PRDM16: variants seen among roughly 807,000 people sequenced by gnomAD.
The protein encoded by PRDM16 is PR/SET domain 16, also known as histone-lysine N-methyltransferase PRDM16.
In PRDM16, 23 loss-of-function variants were observed where a neutral mutation model predicts 110.6. The observed-to-expected ratio is 0.21, with a 90% confidence interval of 0.15 to 0.29. The LOEUF (loss-of-function observed/expected upper bound fraction) is 0.29. PRDM16 is among the 10% of genes least tolerant of loss of function. The probability of loss-of-function intolerance (pLI) is 1.00; values close to 1 mark genes in which losing one functional copy is unlikely to be tolerated. For missense variants in PRDM16, 1,615 were observed against 1,794.3 expected, an observed-to-expected ratio of 0.90 and a Z score of 1.81; for synonymous variants, 799 against 781.8, an observed-to-expected ratio of 1.02 and a Z score of -0.37.
intron 3 of PRDM16, among the ~76,000 whole-genome samples, chr1:3,269,730 T>G: frequency 6.9e-6 from 1 of 144,744 alleles, no homozygotes. Flanking sequence ...AGGAGGACAG[T>G]TGGGAGGACA....
At chr1:3,300,979 T>C (rs1641194957) in intron 3 of PRDM16, among the ~76,000 whole-genome samples, 2 of 152,150 alleles carry the variant, frequency 1.3e-5, no homozygotes, top group Non-Finnish European at 2.9e-5. Context: ...CCAAGGGAGC[T>C]TGTCAAGTGC....
intron 1 of PRDM16, among the ~76,000 whole-genome samples, chr1:3,113,542 C>T (rs1642844984): frequency 6.6e-6 from 1 of 152,188 alleles, no homozygotes; most frequent in South Asian, 2.1e-4. Flanking sequence ...AGGCCGAGGC[C>T]TGAGCCAGCG....
At position 3,404,784 on chromosome 1, in the gene PRDM16, A is replaced by G. The variant is rs753947012; in HGVS notation, c.930A>G (p.Lys310=). The G allele has an allele frequency of 8.7e-6, 14 of 1,613,474 alleles. No individual in the cohort carries two copies. The highest frequency in any genetic ancestry group is 1.2e-5 in the Non-Finnish European group (14 of 1,179,958). ...MVIHTEEREY[K]CDQCPKAFNW... ...TCCACACGGAGGAGCGCGAGTACAAATGCGACCAGTGTCCCAAGGCCTTCA... is the reference window on the plus strand; with the variant it reads ...TCCACACGGAGGAGCGCGAGTACAAGTGCGACCAGTGTCCCAAGGCCTTCA... The change falls in exon 7 of 17, where the codon AAA becomes AAG. Residue 310 remains lysine, a synonymous_variant. Coordinates refer to ENST00000270722, the MANE Select transcript of PRDM16 (RefSeq NM_022114.4).
At chr1:3,329,103 C>T (rs960343967) in intron 3 of PRDM16, among the ~76,000 whole-genome samples, 1 of 152,224 alleles carries the variant, frequency 6.6e-6, no homozygotes, top group Non-Finnish European at 1.5e-5. Flanking sequence ...CACTCACCAC[C>T]TCTGCCCCCA....
chr1:3,258,016 G>A (rs1311748429), intron 3 of PRDM16, among the ~76,000 whole-genome samples: 4 of 152,162 alleles, frequency 2.6e-5, no homozygotes, highest in African/African-American at 9.7e-5. Context: ...TCCTCCTGGA[G>A]TCTGAATTCT....
intron 2 of PRDM16, among the ~76,000 whole-genome samples, chr1:3,230,778 C>T (rs1340010122): frequency 6.6e-6 from 1 of 152,246 alleles, no homozygotes; most frequent in African/African-American, 2.4e-5. Context: ...ACCTTCCTTC[C>T]CCACACCTGC....
At chr1:3,153,646 C>T (rs547504781) in intron 1 of PRDM16, among the ~76,000 whole-genome samples, 10 of 152,304 alleles carry the variant, frequency 6.6e-5, no homozygotes, top group South Asian at 4.2e-4. Flanking sequence ...TTCACCCTTC[C>T]GGAAAAGGCA....
At chr1:3,276,073 A>T (rs533801895) in intron 3 of PRDM16, among the ~76,000 whole-genome samples, 1 of 152,220 alleles carries the variant, frequency 6.6e-6, no homozygotes, top group Non-Finnish European at 1.5e-5. Context: ...CGTGTTGACA[A>T]TTACCCACAG....
chr1:3,097,034 G>A lies in PRDM16; in HGVS notation c.37+27738G>A, dbSNP rs1344925332. Among the ~76,000 whole-genome samples the A allele has an allele frequency of 1.4e-4, 21 of 152,250 alleles. 1 individual carries two copies. Among genetic ancestry groups the A allele is most frequent in the South Asian group, 4.2e-4 (2 of 4,816 alleles). ...CACCTGCTGCAGCCATGGGTGCATC[G>A]GGTGCGTGTGCTCCTGGGGGACCCT... On this transcript the variant is annotated intron_variant, in intron 1 of 16. Coordinates refer to ENST00000270722, the MANE Select transcript of PRDM16 (RefSeq NM_022114.4).
chr1:3,323,686 C>T (rs562398349), intron 3 of PRDM16, among the ~76,000 whole-genome samples: 24 of 152,352 alleles, frequency 1.6e-4, no homozygotes, highest in African/African-American at 3.1e-4. Context: ...TGGGAGCGGC[C>T]GCACTTCCCC....
intron 2 of PRDM16, among the ~76,000 whole-genome samples, chr1:3,228,768 G>C (rs561663563): frequency 3.3e-4 from 50 of 152,286 alleles, no homozygotes; most frequent in African/African-American, 1.2e-3. Context: ...CCGTCCACCT[G>C]CACTGTCCAC....
At chr1:3,116,015 C>T (rs1481605982) in intron 1 of PRDM16, among the ~76,000 whole-genome samples, 3 of 151,742 alleles carry the variant, frequency 2.0e-5, no homozygotes, top group Admixed American at 1.3e-4. Flanking sequence ...CTGCAGCTCC[C>T]CAGGGGGCGG....
intron 3 of PRDM16, among the ~76,000 whole-genome samples, chr1:3,289,290 C>T (rs933086235): frequency 6.6e-6 from 1 of 152,192 alleles, no homozygotes; most frequent in African/African-American, 2.4e-5. Context: ...TTCCTGGGTG[C>T]GCTGGCAGGG....
chr1:3,241,163 G>T (rs578186195), intron 2 of PRDM16, among the ~76,000 whole-genome samples: 2 of 152,384 alleles, frequency 1.3e-5, no homozygotes, highest in East Asian at 3.9e-4. Context: ...AACTGCCCAG[G>T]CGGGCGGTGA....
intron 1 of PRDM16, among the ~76,000 whole-genome samples, chr1:3,129,441 G>A (rs1314013710): frequency 3.3e-5 from 5 of 151,970 alleles, no homozygotes; most frequent in Non-Finnish European, 7.4e-5. Context: ...ATCCTTCCTG[G>A]TGTGCATGTG....
chr1:3,248,189 CTTG>C (rs1639839521), intron 3 of PRDM16, among the ~76,000 whole-genome samples: 1 of 152,172 alleles, frequency 6.6e-6, no homozygotes, highest in Admixed American at 6.5e-5. Flanking sequence ...TTCTGGAGGG[CTTG>C]AATTTATCCG....
Position 3,359,761 on chromosome 1 carries a change from G to A in PRDM16, c.439-25391G>A, listed in dbSNP as rs1421630612. On this transcript the variant is annotated intron_variant, in intron 3 of 16. Coordinates refer to ENST00000270722, the MANE Select transcript of PRDM16 (RefSeq NM_022114.4). The surrounding 1 kb of genome is among the most constrained non-coding windows in gnomAD (Gnocchi z 4.3). ...GGGAACGCACTGGGTTGATCCCTCA[G>A]CGGCAGCCAGAAGGCAAGGCGGGAA... Among the ~76,000 whole-genome samples, 1 of 152,184 alleles carries A rather than the reference G, an allele frequency of 6.6e-6. No individual in the cohort carries two copies. Among genetic ancestry groups the A allele is most frequent in the Admixed American group, 6.5e-5 (1 of 15,294 alleles).
chr1:3,424,004 C>T (rs543954842), intron 12 of PRDM16, among the ~76,000 whole-genome samples: 7 of 152,372 alleles, frequency 4.6e-5, no homozygotes, highest in South Asian at 4.1e-4. Context: ...ATGGCACACA[C>T]GCACATGCCA....
Position 3,267,585 on chromosome 1 carries a change from A to G in PRDM16, c.438+23448A>G, listed in dbSNP as rs182289293. ...GGGGAACCTCCAGACTGTTTACCAC[A>G]GTGGCTATACCATTTCACATCCCGG... On this transcript the variant is annotated intron_variant, in intron 3 of 16. Transcript: ENST00000270722. Among the ~76,000 whole-genome samples, 648 of 152,338 alleles carry G rather than the reference A, an allele frequency of 4.3e-3. 6 individuals carry two copies. Among genetic ancestry groups the G allele is most frequent in the Non-Finnish European group, 4.2e-3 (284 of 68,032 alleles).
Sources: allele counts gnomAD v4.1 joint callset (sites outside exome capture counted in the v4.1 genomes callset), GRCh38; gene constraint gnomAD v4.1.1; non-coding constraint Gnocchi (gnomAD v3.1); transcripts MANE v1.5; gene names NCBI Gene and HGNC (gene_info 2026-07-23, HGNC 2026-07-21).